Variants in MAZ observed in about 807,000 individuals in gnomAD.
The protein encoded by MAZ is MYC associated zinc finger protein.
A neutral mutation model predicts 32.7 loss-of-function variants in MAZ; 4 were observed. The observed-to-expected ratio is 0.12, with a 90% confidence interval of 0.06 to 0.28. MAZ has a LOEUF of 0.28. Among genes scored for constraint, MAZ ranks in the 10% least tolerant of loss-of-function variants. MAZ has a pLI of 1.00. For missense variants in MAZ, 763 were observed against 667.2 expected (o/e 1.14, Z -1.58); for synonymous variants, 510 against 297.6 (o/e 1.71, Z -7.35).
chr16:29,808,199 C>A (rs1029440922), intron 2 of MAZ, 31 bp from the exon 3 acceptor site: 2 of 1,601,780 alleles, frequency 1.2e-6, no homozygotes, highest in Non-Finnish European at 1.7e-6. Context: ...GCACCACCTC[C>A]GCCCTAACCC....
intron 4 of MAZ, chr16:29,809,839 G>A (rs1322105204): frequency 1.4e-5 from 14 of 971,786 alleles, no homozygotes; most frequent in East Asian, 7.9e-5. Flanking sequence ...CCCAATAGGG[G>A]ATCTCAGGAA....
rs776723157 is a variant in MAZ at position 29,810,519 on chromosome 16, G to A, written c.*288G>A. On this transcript the variant is annotated 3_prime_UTR_variant, in exon 5 of 5. Coordinates refer to ENST00000322945, the MANE Select transcript of MAZ (RefSeq NM_002383.4). ...CAGAGGACACGAGCAGCCACTGCCC[G>A]TACCCCCTCTCCTCTCTGTAAGCCC... The A allele has an allele frequency of 2.9e-6, 2 of 701,438 alleles. No individual in the cohort carries two copies. Among genetic ancestry groups the A allele is most frequent in the South Asian group, 1.5e-5 (1 of 66,766 alleles). 43.5% of individuals were successfully genotyped at this position (701,438 alleles called of 1,614,324 possible). A position where few individuals can be genotyped will look rare whatever the true frequency, so the allele number is the denominator to read the frequency against.
Position 29,810,656 on chromosome 16 carries a change from CTTTTCCTTTT to C in MAZ, c.*430_*439del, listed in dbSNP as rs2142412141. The C allele has an allele frequency of 1.9e-6, 1 of 535,138 alleles. No homozygotes were observed. Among genetic ancestry groups the C allele is most frequent in the African/African-American group, 2.0e-5 (1 of 49,634 alleles). The allele number at this position is 535,138 out of a possible 1,614,324, so 33.1% of individuals were successfully genotyped here. A position where few individuals can be genotyped will look rare whatever the true frequency, so the allele number is the denominator to read the frequency against. On this transcript the variant is annotated 3_prime_UTR_variant, in exon 5 of 5. Transcript: ENST00000322945. Reference sequence around the variant, plus strand: ...CCCCTCCCCGGGGAGTTGGTGCTTTCTTTTCCTTTTTTTTTTTTTTCCAGGGGGAGGGAGG... The same window carrying C: ...CCCCTCCCCGGGGAGTTGGTGCTTTCTTTTTTTTTTCCAGGGGGAGGGAGG...
At position 29,810,141 on chromosome 16, in the gene MAZ, A is replaced by AGCGGCAGCG. The variant is rs746921314; in HGVS notation, c.1345_1346insCGGCAGCGG (p.Ala446_Ala448dup). On this transcript the variant is annotated inframe_insertion, in exon 5 of 5. Coordinates refer to ENST00000322945, the MANE Select transcript of MAZ (RefSeq NM_002383.4). ...CGGCGGCAGCGGCAGCAGCGGCAGC[A>AGCGGCAGCG]GTAGCAGCCCCTCCCACAGCTGTGG... 6.2e-7 allele frequency: 1 copy of AGCGGCAGCG among 1,608,900 alleles called. No homozygotes were observed. Among genetic ancestry groups the AGCGGCAGCG allele is most frequent in the Non-Finnish European group, 8.5e-7 (1 of 1,177,650 alleles).
chr16:29,808,312 CCTGTCTTGGTTTTCATG>C lies in MAZ; in HGVS notation c.1107+20_1107+36del. ...ATGTGAGGTAGGAAGCCCGCCTCCT[CCTGTCTTGGTTTTCATG>C]ATTTTGATCCTCATGGTAGCTGTCT... is the stretch of plus-strand genomic sequence containing the variant. On this transcript the variant is annotated intron_variant, in intron 3 of 4. Transcript: ENST00000322945. 1.9e-6 allele frequency: 3 copies of C among 1,610,512 alleles called. No homozygotes were observed. Among genetic ancestry groups the C allele is most frequent in the Non-Finnish European group, 2.5e-6 (3 of 1,176,788 alleles).
Position 29,807,219 on chromosome 16 carries a change from C to G in MAZ, c.434C>G (p.Ala145Gly), listed in dbSNP as rs1899554092. ...PPPPPVSAPAAEAAPPASAAT... is the reference protein window; with the variant it reads ...PPPPPVSAPAGEAAPPASAAT... ...CCCCCGCCAGTGTCGGCGCCCGCGG[C>G]CGAGGCCGCGCCCCCCGCCTCCGCC... Residue 145 changes from alanine (A) to glycine (G), a missense_variant, in exon 2 of 5, where the codon GCC becomes GGC. Physicochemically the swap from Ala to Gly is moderately conservative, Grantham distance 60. Coordinates refer to ENST00000322945, the MANE Select transcript of MAZ (RefSeq NM_002383.4). 6.2e-6 allele frequency: 8 copies of G among 1,280,092 alleles called. No individual in the cohort carries two copies. The highest frequency in any genetic ancestry group is 5.9e-6 in the Non-Finnish European group (6 of 1,011,356). 79.3% of individuals were successfully genotyped at this position (1,280,092 alleles called of 1,614,324 possible).
In MAZ at chr16:29,807,137, G is replaced by A. The variant is rs1278057363; in HGVS notation, c.352G>A (p.Ala118Thr). 1 of 1,042,728 alleles carries A rather than the reference G, an allele frequency of 9.6e-7. No homozygotes were observed. The highest frequency in any genetic ancestry group is 1.2e-6 in the Non-Finnish European group (1 of 845,788). The allele number at this position is 1,042,728 out of a possible 1,614,324, so 64.6% of individuals were successfully genotyped here. The part of the protein sequence containing the change: ...AVAAAPPAPA[A>T]ASTVDTAALK... ...CGCTGCCGCGCCCCCGGCCCCTGCC[G>A]CCGCCTCTACGGTGGACACAGCGGC... The change falls in exon 2 of 5, where the codon GCC (alanine) becomes ACC (threonine). Residue 118 changes from alanine (A) to threonine (T), a missense_variant. Ala to Thr is a moderately conservative substitution (Grantham distance 58). Transcript: ENST00000322945.
In MAZ at chr16:29,806,790, C is replaced by A. The variant is rs775316028; in HGVS notation, c.89C>A (p.Ser30Tyr). 1 of 1,435,586 alleles carries A rather than the reference C, an allele frequency of 7.0e-7. No homozygotes were observed. The highest frequency in any genetic ancestry group is 9.2e-7 in the Non-Finnish European group (1 of 1,087,628). The allele number at this position is 1,435,586 out of a possible 1,614,324, so 88.9% of individuals were successfully genotyped here. ...CGGGGGGTGGGCGGCCTCATGAACT[C>A]CTTCCCGCCACCTCAGGGTCACGCC... The part of the protein sequence containing the change: ...DSRGVGGLMN[S>Y]FPPPQGHAQN... The change falls in exon 1 of 5, where the codon TCC (serine) becomes TAC (tyrosine). Residue 30 changes from serine to tyrosine, a missense_variant. Coordinates refer to ENST00000322945, the MANE Select transcript of MAZ (RefSeq NM_002383.4).
chr16:29,806,742 T>A lies in MAZ; in HGVS notation c.41T>A (p.Phe14Tyr). 1 of 1,397,866 alleles carries A rather than the reference T, an allele frequency of 7.2e-7. No homozygotes were observed. The highest frequency in any genetic ancestry group is 9.4e-7 in the Non-Finnish European group (1 of 1,060,518). The allele number at this position is 1,397,866 out of a possible 1,614,324, so 86.6% of individuals were successfully genotyped here. A position where few individuals can be genotyped will look rare whatever the true frequency, so the allele number is the denominator to read the frequency against. Residue 14 changes from phenylalanine to tyrosine, a missense_variant, in exon 1 of 5, where the codon TTC (phenylalanine) becomes TAC (tyrosine). By Grantham distance (22) the Phe-to-Tyr change is conservative. Coordinates refer to ENST00000322945, the MANE Select transcript of MAZ (RefSeq NM_002383.4). ...CCTTGCACGCTGCTGGCCCCCCCCT[T>A]CCCCGTGCTGGGCCTGGACTCCCGG... Reference protein sequence around the residue: ...VFPCTLLAPPFPVLGLDSRGV... With the variant: ...VFPCTLLAPPYPVLGLDSRGV...
chr16:29,808,313 CTGT>C lies in MAZ; in HGVS notation c.1107+21_1107+23del. Reference sequence around the variant, plus strand: ...TGTGAGGTAGGAAGCCCGCCTCCTCCTGTCTTGGTTTTCATGATTTTGATCCTC... The same window carrying C: ...TGTGAGGTAGGAAGCCCGCCTCCTCCCTTGGTTTTCATGATTTTGATCCTC... On this transcript the variant is annotated intron_variant, in intron 3 of 4. Transcript: ENST00000322945. 6.2e-7 allele frequency: 1 copy of C among 1,610,302 alleles called. No individual in the cohort carries two copies. Among genetic ancestry groups the C allele is most frequent in the Non-Finnish European group, 8.5e-7 (1 of 1,176,574 alleles).
Position 29,808,308 on chromosome 16 carries a change from T to A in MAZ, c.1107+15T>A, listed in dbSNP as rs368653315. 2 of 1,611,540 alleles carry A rather than the reference T, an allele frequency of 1.2e-6. No individual in the cohort carries two copies. The highest frequency in any genetic ancestry group is 1.1e-5 in the South Asian group (1 of 91,018). On this transcript the variant is annotated intron_variant, in intron 3 of 4. Coordinates refer to ENST00000322945, the MANE Select transcript of MAZ (RefSeq NM_002383.4). ...TCAAATGTGAGGTAGGAAGCCCGCCTCCTCCTGTCTTGGTTTTCATGATTT... is the reference window on the plus strand; with the variant it reads ...TCAAATGTGAGGTAGGAAGCCCGCCACCTCCTGTCTTGGTTTTCATGATTT...
chr16:29,808,129 C>G, intron 2 of MAZ, 101 bp from the exon 3 acceptor site: 1 of 1,152,294 alleles, frequency 8.7e-7, no homozygotes, highest in Non-Finnish European at 1.3e-6. Flanking sequence ...GGCCTGGGCT[C>G]CGGGAGGAGG....
chr16:29,809,583 C>T (rs773948657), intron 4 of MAZ: 14 of 1,612,562 alleles, frequency 8.7e-6, no homozygotes, highest in Non-Finnish European at 1.1e-5. Flanking sequence ...CGGTGAAGGA[C>T]CACGGGCTCC....
Position 29,806,669 on chromosome 16 carries a change from C to T in MAZ, c.-33C>T. On this transcript the variant is annotated 5_prime_UTR_variant, in exon 1 of 5. Coordinates refer to ENST00000322945, the MANE Select transcript of MAZ (RefSeq NM_002383.4). ...GCGCGGCCCGCGCCCCCGGCCCCCGCTGAGCCCCGGGGGCCCCGCTGCGGC... is the reference window on the plus strand; with the variant it reads ...GCGCGGCCCGCGCCCCCGGCCCCCGTTGAGCCCCGGGGGCCCCGCTGCGGC... 1.9e-6 allele frequency: 2 copies of T among 1,043,494 alleles called. No individual in the cohort carries two copies. The highest frequency in any genetic ancestry group is 1.2e-6 in the Non-Finnish European group (1 of 863,578). The allele number at this position is 1,043,494 out of a possible 1,614,324, so 64.6% of individuals were successfully genotyped here. A position where few individuals can be genotyped will look rare whatever the true frequency, so the allele number is the denominator to read the frequency against.
intron 4 of MAZ, chr16:29,809,033 C>G (rs555129005): frequency 1.8e-6 from 1 of 545,322 alleles, no homozygotes; most frequent in Middle Eastern, 4.8e-4. Flanking sequence ...AAGCCAGTTC[C>G]AGGGGTCACA....
intron 2 of MAZ, 170 bp downstream of exon 2, chr16:29,807,998 G>C: frequency 7.6e-7 from 1 of 1,308,100 alleles, no homozygotes; most frequent in Non-Finnish European, 1.0e-6. Context: ...GCAAGGGGTG[G>C]TCCTTTGTCG....
chr16:29,808,861 C>T (rs745884174), intron 4 of MAZ, 120 bp downstream of exon 4: 4 of 959,102 alleles, frequency 4.2e-6, no homozygotes, highest in Non-Finnish European at 6.1e-6. Flanking sequence ...TAGATTCCTA[C>T]AAGAGGTCAA....
At chr16:29,809,468 TAGG>T (rs1236493231) in intron 4 of MAZ, 3 of 889,728 alleles carry the variant, frequency 3.4e-6, no homozygotes, top group Non-Finnish European at 3.7e-6. Flanking sequence ...ATCCCCCGCC[TAGG>T]AGATCAGCCC....
intron 3 of MAZ, 104 bp from the exon 4 acceptor site, chr16:29,808,466 A>G (rs917776113): frequency 2.9e-5 from 29 of 1,017,166 alleles, no homozygotes; most frequent in Non-Finnish European, 7.4e-6. Context: ...TACAGATCAA[A>G]GATCCCCAAG....
Sources: gnomAD v4.1 joint callset for allele counts on GRCh38, gnomAD v4.1.1 for gene constraint, MANE v1.5 for transcripts, NCBI Gene and HGNC (gene_info 2026-07-23, HGNC 2026-07-21) for gene names.